NALCN: variants seen among roughly 807,000 people sequenced by gnomAD.
The protein encoded by NALCN is sodium leak channel, non-selective, also known as sodium leak channel NALCN.
NALCN carries 111 observed loss-of-function variants against 225.3 expected under a neutral mutation model. The observed-to-expected ratio is 0.49, with a 90% CI of 0.42 to 0.58. NALCN has a LOEUF of 0.58. Ranked by LOEUF, NALCN falls within the 20% of genes least tolerant of loss-of-function variation. The pLI is 0.00. For synonymous variants in NALCN, 764 were observed against 769.0 expected (o/e 0.99, Z 0.11); for missense variants, 1,378 against 2,202.4 (o/e 0.63, Z 7.49).
intron 6 of NALCN, among the ~76,000 whole-genome samples, chr13:101,365,818 A>G (rs1380077868): frequency 2.0e-5 from 3 of 152,136 alleles, no homozygotes; most frequent in African/African-American, 7.2e-5. Context: ...TGGTCCAGCC[A>G]TCGCGAATAT....
chr13:101,368,924 T>C, intron 6 of NALCN: 1 of 253,190 alleles, frequency 3.9e-6, no homozygotes, highest in Admixed American at 5.2e-5. Flanking sequence ...GAGAATCTCT[T>C]GAACCTGGGA....
intron 7 of NALCN, among the ~76,000 whole-genome samples, chr13:101,324,007 G>A (rs950465866): frequency 3.9e-5 from 6 of 152,126 alleles, no homozygotes; most frequent in African/African-American, 1.4e-4. Context: ...AGAAAACCAT[G>A]GGAAGCAACG....
intron 7 of NALCN, among the ~76,000 whole-genome samples, chr13:101,323,068 A>T (rs938876858): frequency 3.9e-5 from 6 of 152,174 alleles, no homozygotes; most frequent in African/African-American, 1.4e-4. Flanking sequence ...ACCTTTAAAA[A>T]TTCTAAAAAA....
chr13:101,149,351 C>G (rs1545489), intron 15 of NALCN, among the ~76,000 whole-genome samples: 2 of 151,714 alleles, frequency 1.3e-5, no homozygotes, highest in Non-Finnish European at 2.9e-5. Context: ...TATATTTTAT[C>G]GAATATCCTT....
intron 13 of NALCN, among the ~76,000 whole-genome samples, chr13:101,221,656 AT>A (rs2040946184): frequency 6.6e-6 from 1 of 152,082 alleles, no homozygotes; most frequent in Non-Finnish European, 1.5e-5. Context: ...TTTCTTGACC[AT>A]TGTATTCAAC....
chr13:101,256,085 A>T (rs935893898), intron 11 of NALCN, among the ~76,000 whole-genome samples: 1 of 152,120 alleles, frequency 6.6e-6, no homozygotes, highest in Non-Finnish European at 1.5e-5. Context: ...TAGCTTCAAC[A>T]GTCGTTTCCA....
In NALCN at chr13:101,284,203, C is replaced by T. The variant is rs61973663; in HGVS notation, c.1048-184G>A. ...AAAGCTTAAATGAATGAAAAAAGAACAATGATAATAACTTGAGTTTATTGA... is the reference window on the plus strand; with the variant it reads ...AAAGCTTAAATGAATGAAAAAAGAATAATGATAATAACTTGAGTTTATTGA... On this transcript the variant is annotated intron_variant, in intron 9 of 43. Coordinates refer to ENST00000251127, the MANE Select transcript of NALCN (RefSeq NM_052867.4). Among the ~76,000 whole-genome samples, 3,992 of 152,206 alleles carry T rather than the reference C, an allele frequency of 0.026. 84 individuals are homozygous for T. The highest frequency in any genetic ancestry group is 0.062 in the South Asian group (297 of 4,820).
chr13:101,124,421 A>AT (rs1384693773), intron 18 of NALCN, among the ~76,000 whole-genome samples, 187 bp downstream of exon 18: 1 of 151,738 alleles, frequency 6.6e-6, no homozygotes, highest in Non-Finnish European at 1.5e-5. Context: ...AGCTACTAAA[A>AT]TTTTTTTTTA....
At chr13:101,280,342 A>G (rs2138990540) in intron 10 of NALCN, among the ~76,000 whole-genome samples, 1 of 152,326 alleles carries the variant, frequency 6.6e-6, no homozygotes, top group Non-Finnish European at 1.5e-5. Context: ...TATATTCATA[A>G]CACATATCTC....
chr13:101,185,791 C>T (rs1456694321), intron 14 of NALCN, among the ~76,000 whole-genome samples: 2 of 152,214 alleles, frequency 1.3e-5, no homozygotes, highest in African/African-American at 4.8e-5. Context: ...TTGGCACATG[C>T]CTGTCCCTGG....
intron 3 of NALCN, among the ~76,000 whole-genome samples, chr13:101,391,024 T>G (rs1452266701): frequency 2.6e-5 from 4 of 151,920 alleles, no homozygotes. Context: ...CAAACCTGCA[T>G]GTTATGCACA....
At chr13:101,278,522 C>CAAAAAAAAAA (rs3061766) in intron 10 of NALCN, among the ~76,000 whole-genome samples, 2 of 87,476 alleles carry the variant, frequency 2.3e-5, no homozygotes, top group African/African-American at 1.1e-4. Context: ...GACTCTGTCT[C>CAAAAAAAAAA]AAAAAAAAAA....
At chr13:101,372,706 G>A (rs887771371) in intron 6 of NALCN, among the ~76,000 whole-genome samples, 7 of 152,000 alleles carry the variant, frequency 4.6e-5, no homozygotes, top group East Asian at 1.9e-4. Flanking sequence ...CTAAAACAGT[G>A]CTTAGAGGAA....
At chr13:101,341,184 CAAAT>C (rs2045547302) in intron 7 of NALCN, among the ~76,000 whole-genome samples, 1 of 152,056 alleles carries the variant, frequency 6.6e-6, no homozygotes, top group African/African-American at 2.4e-5. Context: ...GTTCTTAAAA[CAAAT>C]AGATACTAGA....
At chr13:101,225,830 G>A (rs2041120882) in intron 13 of NALCN, among the ~76,000 whole-genome samples, 1 of 152,108 alleles carries the variant, frequency 6.6e-6, no homozygotes, top group Admixed American at 6.5e-5. Context: ...CCATTCTTGG[G>A]CCCTCTCCTA....
chr13:101,249,999 T>C (rs2042014930), intron 11 of NALCN, among the ~76,000 whole-genome samples: 1 of 152,106 alleles, frequency 6.6e-6, no homozygotes, highest in Non-Finnish European at 1.5e-5. Context: ...ATCAAGTCTA[T>C]GGATGATCAC....
chr13:101,342,318 C>T (rs1473269919), intron 7 of NALCN, among the ~76,000 whole-genome samples: 1 of 152,072 alleles, frequency 6.6e-6, no homozygotes, highest in Non-Finnish European at 1.5e-5. Flanking sequence ...TAAAAGGTTC[C>T]CCAGGTCATC....
chr13:101,231,383 G>A (rs933493593), intron 12 of NALCN, among the ~76,000 whole-genome samples: 2 of 152,130 alleles, frequency 1.3e-5, no homozygotes, highest in Non-Finnish European at 2.9e-5. Context: ...ATTACAAAGC[G>A]AGTATAACAC....
chr13:101,181,993 G>C (rs1486027156), intron 14 of NALCN, among the ~76,000 whole-genome samples: 4 of 151,832 alleles, frequency 2.6e-5, no homozygotes, highest in Non-Finnish European at 5.9e-5. Flanking sequence ...AATTAGCCGG[G>C]CGTGGTGGCG....
Sources: allele counts gnomAD v4.1 joint callset (sites outside exome capture counted in the v4.1 genomes callset), GRCh38; gene constraint gnomAD v4.1.1; transcripts MANE v1.5; gene names NCBI Gene and HGNC (gene_info 2026-07-23, HGNC 2026-07-21).